The following JAZF1 variants were observed in gnomAD, a reference collection of about 807,000 sequenced individuals.
JAZF1 encodes juxtaposed with another zinc finger protein 1.
In JAZF1, 8 loss-of-function variants were observed where a neutral mutation model predicts 26.4. That is an observed-to-expected ratio of 0.30 (90% CI 0.18 to 0.55). The LOEUF (loss-of-function observed/expected upper bound fraction) is 0.55. JAZF1 is among the 20% of genes least tolerant of loss of function. JAZF1 has a pLI of 0.94. For synonymous variants in JAZF1, 126 were observed against 122.3 expected (o/e 1.03, Z -0.20); for missense variants, 199 against 322.0 (o/e 0.62, Z 2.92).
intron 1 of JAZF1, among the ~76,000 whole-genome samples, chr7:28,049,051 C>T (rs1187591397): frequency 1.7e-5 from 2 of 119,878 alleles, no homozygotes; most frequent in Non-Finnish European, 3.4e-5. Context: ...CCTCCCTCCC[C>T]TCCCCTCCCC....
intron 2 of JAZF1, among the ~76,000 whole-genome samples, chr7:27,957,200 C>CT (rs1785111103): frequency 6.6e-6 from 1 of 152,200 alleles, no homozygotes; most frequent in African/African-American, 2.4e-5. Context: ...GAACAGCAGC[C>CT]AGACCCTGAC....
At chr7:27,973,464 A>C (rs2128360268) in intron 2 of JAZF1, among the ~76,000 whole-genome samples, 1 of 152,142 alleles carries the variant, frequency 6.6e-6, no homozygotes, top group South Asian at 2.1e-4. Context: ...TGCCCAGCTA[A>C]TTTAAAAATT....
chr7:27,894,945 A>G (rs914111034), intron 3 of JAZF1, among the ~76,000 whole-genome samples: 1 of 152,246 alleles, frequency 6.6e-6, no homozygotes, highest in African/African-American at 2.4e-5. Flanking sequence ...GCCCATTAAA[A>G]ATGTTGTGTA....
intron 1 of JAZF1, among the ~76,000 whole-genome samples, chr7:28,174,436 C>T (rs1260769455): frequency 2.0e-5 from 3 of 152,142 alleles, no homozygotes; most frequent in East Asian, 1.9e-4. Flanking sequence ...CTGTCACCTA[C>T]GGGAAGAATT....
intron 1 of JAZF1, among the ~76,000 whole-genome samples, chr7:28,110,498 G>GAAAAGGAAAGGA (rs371217428): frequency 2.7e-5 from 1 of 37,716 alleles, no homozygotes; most frequent in African/African-American, 7.8e-5. Flanking sequence ...GAAAGGAAAG[G>GAAAAGGAAAGGA]AAAGGAAAAG....
chr7:27,955,010 G>A (rs918269925), intron 2 of JAZF1, among the ~76,000 whole-genome samples: 6 of 152,060 alleles, frequency 3.9e-5, no homozygotes, highest in Admixed American at 6.5e-5. Context: ...CACCTGCCTC[G>A]GCCTCCAAAA....
At chr7:27,953,189 C>T (rs1379307691) in intron 2 of JAZF1, among the ~76,000 whole-genome samples, 2 of 152,184 alleles carry the variant, frequency 1.3e-5, no homozygotes, top group Non-Finnish European at 2.9e-5. Flanking sequence ...GCCCCATGTA[C>T]TAAAAATATT....
chr7:27,913,278 A>G (rs1033476773), intron 2 of JAZF1: 2 of 204,844 alleles, frequency 9.8e-6, no homozygotes, highest in African/African-American at 2.4e-5. Context: ...ATTTATATAT[A>G]TTATATATAT....
chr7:27,862,728 T>G (rs1783406089), intron 3 of JAZF1, among the ~76,000 whole-genome samples: 1 of 152,242 alleles, frequency 6.6e-6, no homozygotes, highest in Non-Finnish European at 1.5e-5. Context: ...CTTCCACGCT[T>G]CTGTTGCTGC....
intron 1 of JAZF1, among the ~76,000 whole-genome samples, chr7:28,110,647 A>G (rs891925636): frequency 4.0e-5 from 6 of 151,626 alleles, no homozygotes; most frequent in Non-Finnish European, 7.4e-5. Context: ...AAAGGAAAGG[A>G]AAGGAAAGGA....
At chr7:27,963,558 TCC>T (rs34874067) in intron 2 of JAZF1, among the ~76,000 whole-genome samples, 2 of 97,602 alleles carry the variant, frequency 2.0e-5, no homozygotes, top group African/African-American at 9.4e-5. Flanking sequence ...TGTTTGCAAT[TCC>T]CCCCCCCCCT....
intron 1 of JAZF1, among the ~76,000 whole-genome samples, chr7:28,037,166 G>A (rs1288141830): frequency 6.6e-6 from 1 of 152,134 alleles, no homozygotes; most frequent in Non-Finnish European, 1.5e-5. Context: ...AAAGCAGCAA[G>A]ACTAGATGTA....
intron 1 of JAZF1, among the ~76,000 whole-genome samples, chr7:28,016,742 A>T (rs1234723112): frequency 6.6e-6 from 1 of 152,062 alleles, no homozygotes; most frequent in Non-Finnish European, 1.5e-5. Context: ...CTCCCTAAAG[A>T]GCCTGTTGAA....
intron 1 of JAZF1, among the ~76,000 whole-genome samples, chr7:28,009,562 C>A (rs1033102591): frequency 3.3e-5 from 5 of 151,782 alleles, no homozygotes; most frequent in South Asian, 2.1e-4. Flanking sequence ...CGGCTCACTG[C>A]AACCTCCGCC....
intron 4 of JAZF1, among the ~76,000 whole-genome samples, chr7:27,835,678 ACT>A (rs923391636): frequency 2.0e-5 from 3 of 151,960 alleles, no homozygotes; most frequent in Non-Finnish European, 2.9e-5. Context: ...GTCAAGTGAG[ACT>A]CTATTAAGAC....
At chr7:28,048,342 T>G (rs947601840) in intron 1 of JAZF1, among the ~76,000 whole-genome samples, 4 of 152,204 alleles carry the variant, frequency 2.6e-5, no homozygotes, top group African/African-American at 9.6e-5. Flanking sequence ...GTTTTTGTCT[T>G]TAATCTTGTT....
At chr7:28,005,703 T>C (rs1782689059) in intron 1 of JAZF1, among the ~76,000 whole-genome samples, 1 of 152,088 alleles carries the variant, frequency 6.6e-6, no homozygotes, top group African/African-American at 2.4e-5. Flanking sequence ...TCATTCTACT[T>C]GCTAATGAGT....
chr7:27,870,146 C>T (rs998232522), intron 3 of JAZF1, among the ~76,000 whole-genome samples: 20 of 144,148 alleles, frequency 1.4e-4, no homozygotes, highest in Non-Finnish European at 2.4e-4. Context: ...AGGCTGGTCT[C>T]GAACTCCTGA....
In JAZF1 at chr7:27,830,719, A is replaced by G. The variant is rs544785594; in HGVS notation, c.*2081T>C. ...TCAGACTTAATGTGCTCTGTCCCCA[A>G]CAAAACATATGAAAATATAATTTAA... On this transcript the variant is annotated 3_prime_UTR_variant, in exon 5 of 5. Coordinates refer to ENST00000283928, the MANE Select transcript of JAZF1 (RefSeq NM_175061.4). 17 of 194,120 alleles carry G rather than the reference A, an allele frequency of 8.8e-5. No individual in the cohort carries two copies. In the South Asian group the frequency reaches 2.3e-3, roughly 26 times the overall value. The allele number at this position is 194,120 out of a possible 1,614,324, so 12.0% of individuals were successfully genotyped here. A position where few individuals can be genotyped will look rare whatever the true frequency, so the allele number is the denominator to read the frequency against.
Sources: allele counts gnomAD v4.1 joint callset (sites outside exome capture counted in the v4.1 genomes callset), GRCh38; gene constraint gnomAD v4.1.1; transcripts MANE v1.5; gene names NCBI Gene and HGNC (gene_info 2026-07-23, HGNC 2026-07-21).